RAD21: variants seen among roughly 807,000 people sequenced by gnomAD.
The protein encoded by RAD21 is RAD21 cohesin complex component.
Under a neutral mutation model 71.5 loss-of-function variants are expected in RAD21, and 18 were observed. The observed-to-expected ratio is 0.25, with a 90% CI of 0.17 to 0.37. The LOEUF (loss-of-function observed/expected upper bound fraction) is 0.37, where lower values mean the gene tolerates loss of function less well. RAD21 is among the 10% of genes least tolerant of loss of function. The pLI is 1.00. For synonymous variants in RAD21, 248 were observed against 254.0 expected (o/e 0.98, Z 0.22); for missense variants, 493 against 769.1 (o/e 0.64, Z 4.25).
chr8:116,852,486 A>T, intron 10 of RAD21, 63 bp downstream of exon 10: 1 of 1,459,618 alleles, frequency 6.9e-7, no homozygotes, highest in Admixed American at 2.1e-5. Context: ...GACAGTATAA[A>T]GGTAAATTTT....
chr8:116,874,134 G>A (rs1812912733), intron 1 of RAD21: 1 of 147,192 alleles, frequency 6.8e-6, no homozygotes, highest in African/African-American at 2.5e-5. Context: ...TTCGGCGGAA[G>A]GTTGCTGCTC....
At chr8:116,865,873 T>C (rs747384077) in intron 2 of RAD21, among the ~76,000 whole-genome samples, 1 of 152,144 alleles carries the variant, frequency 6.6e-6, no homozygotes, top group Non-Finnish European at 1.5e-5. Flanking sequence ...CACACACAGA[T>C]AATCTTCCCC....
chr8:116,865,646 G>C (rs1812674016), intron 2 of RAD21, among the ~76,000 whole-genome samples: 2 of 152,136 alleles, frequency 1.3e-5, no homozygotes, highest in South Asian at 4.1e-4. Flanking sequence ...TAAATGGCTA[G>C]TCTTTAAAAA....
chr8:116,847,560 T>G lies in RAD21; in HGVS notation c.1836A>C (p.Thr612=), dbSNP rs2130449843. Residue 612 remains threonine, a synonymous_variant, in exon 14 of 14, where the codon ACA becomes ACC. Transcript: ENST00000297338. ...VLKKQQAIEL[T]QEEPYSDIIA... ...TGATGTCACTGTACGGTTCTTCCTGTGTCAGCTCAATAGCTTGCTGCTTTT... is the reference window on the plus strand; with the variant it reads ...TGATGTCACTGTACGGTTCTTCCTGGGTCAGCTCAATAGCTTGCTGCTTTT... 1.2e-6 allele frequency: 2 copies of G among 1,614,134 alleles called. No homozygotes were observed. Among genetic ancestry groups the G allele is most frequent in the Non-Finnish European group, 1.7e-6 (2 of 1,179,982 alleles).
rs530012356 is a variant in RAD21, at chr8:116,846,181, C to T, written c.*1319G>A. Reference sequence around the variant, plus strand: ...CTGCAATAGCAATTTTATACAATTACCACTCTGAAGAAACTGAATCATTAA... The same window carrying T: ...CTGCAATAGCAATTTTATACAATTATCACTCTGAAGAAACTGAATCATTAA... On this transcript the variant is annotated 3_prime_UTR_variant, in exon 14 of 14. Coordinates refer to ENST00000297338, the MANE Select transcript of RAD21 (RefSeq NM_006265.3). 87 of 231,072 alleles carry T rather than the reference C, an allele frequency of 3.8e-4. No individual in the cohort carries two copies. The highest frequency in any genetic ancestry group is 1.7e-3 in the African/African-American group (79 of 45,332). 14.3% of individuals were successfully genotyped at this position (231,072 alleles called of 1,614,324 possible).
rs1353634381 is a variant in RAD21, at chr8:116,847,565, G to A, written c.1831C>T (p.Leu611=). The change falls in exon 14 of 14, where the codon CTG becomes TTG. Residue 611 remains leucine (L), a synonymous_variant. Transcript: ENST00000297338. Reference sequence around the variant, plus strand: ...TCACTGTACGGTTCTTCCTGTGTCAGCTCAATAGCTTGCTGCTTTTTAAGA... The same window carrying A: ...TCACTGTACGGTTCTTCCTGTGTCAACTCAATAGCTTGCTGCTTTTTAAGA... The part of the protein sequence containing the change: ...LVLKKQQAIE[L]TQEEPYSDII... 2.5e-6 allele frequency: 4 copies of A among 1,613,976 alleles called. No individual in the cohort carries two copies. In the African/African-American group the frequency reaches 4.0e-5, roughly 16 times the overall value.
intron 9 of RAD21, among the ~76,000 whole-genome samples, chr8:116,853,614 C>CTT (rs1812400431): frequency 6.6e-6 from 1 of 152,016 alleles, no homozygotes; most frequent in Non-Finnish European, 1.5e-5. Context: ...TATGATAGGG[C>CTT]TTACAATAAA....
At chr8:116,848,761 TAAAAA>T (rs56668650) in intron 13 of RAD21, 180 bp downstream of exon 13, 1 of 300,896 alleles carries the variant, frequency 3.3e-6, no homozygotes, top group Non-Finnish European at 6.2e-6. Flanking sequence ...TAAACTATAA[TAAAAA>T]AAAAAAAGAA....
In RAD21 at chr8:116,854,491, G is replaced by C. The variant is rs375637600; in HGVS notation, c.938-23C>G. ...TAACTGGAATGATAATAAAAAATAA[G>C]ATCATTTTCCTGAGAGGCCAGCATG... On this transcript the variant is annotated intron_variant, in intron 8 of 13. Transcript: ENST00000297338. The C allele has an allele frequency of 7.6e-6, 12 of 1,577,894 alleles. No individual in the cohort carries two copies. The South Asian group carries it at 1.0e-4, about 13-fold the overall frequency.
In RAD21 at chr8:116,856,671, A is replaced by G. The variant is rs781587372; in HGVS notation, c.789T>C (p.Asp263=). 3 of 1,595,726 alleles carry G rather than the reference A, an allele frequency of 1.9e-6. No individual in the cohort carries two copies. The highest frequency in any genetic ancestry group is 2.7e-5 in the African/African-American group (2 of 73,946). ...TTGATACATTATCATCCTCATCCAT[A>G]TCGTCATGTGCAGGCTGCTCTGGCA... is the stretch of plus-strand genomic sequence containing the variant. ...VMLPEQPAHD[D]MDEDDNVSMG... The change falls in exon 7 of 14, where the codon GAT becomes GAC. Residue 263 remains aspartate (D), a synonymous_variant. Transcript: ENST00000297338.
chr8:116,865,445 T>C (rs200644827), intron 2 of RAD21, among the ~76,000 whole-genome samples: 9 of 147,694 alleles, frequency 6.1e-5, no homozygotes, highest in African/African-American at 2.3e-4. Context: ...ATAAAAAAAA[T>C]TGAAAATACC....
intron 4 of RAD21, among the ~76,000 whole-genome samples, chr8:116,859,298 T>A (rs1323830304): frequency 6.6e-6 from 1 of 152,172 alleles, no homozygotes; most frequent in East Asian, 1.9e-4. Flanking sequence ...ACAAGCTTAC[T>A]TCATGCCTCT....
chr8:116,857,566 C>T (rs1812495871), intron 5 of RAD21, 93 bp from the exon 6 acceptor site: 1 of 1,029,218 alleles, frequency 9.7e-7, no homozygotes, highest in Non-Finnish European at 1.4e-6. Flanking sequence ...AATTATGTCA[C>T]ATTTGCTTAC....
chr8:116,863,422 G>A (rs1812629354), intron 2 of RAD21, among the ~76,000 whole-genome samples, 163 bp from the exon 3 acceptor site: 1 of 152,070 alleles, frequency 6.6e-6, no homozygotes, highest in Non-Finnish European at 1.5e-5. Context: ...CAGAGTGACT[G>A]GAAATTCACG....
rs986675101 is a variant in RAD21, at chr8:116,863,034, T to C, written c.274+96A>G. 37 of 1,420,310 alleles carry C rather than the reference T, an allele frequency of 2.6e-5. 1 individual carries two copies. Among genetic ancestry groups the C allele is most frequent in the South Asian group, 2.3e-4 (16 of 68,896 alleles). The allele number at this position is 1,420,310 out of a possible 1,614,324, so 88.0% of individuals were successfully genotyped here. On this transcript the variant is annotated intron_variant, in intron 3 of 13. Transcript: ENST00000297338. ...CGTATTTCAATTAAAACAAAGCATG[T>C]AGATTTAGAAAATGTGTTTAGCTAC...
chr8:116,848,845 A>G (rs780948698), intron 13 of RAD21, 101 bp downstream of exon 13: 2 of 785,902 alleles, frequency 2.5e-6, no homozygotes, highest in South Asian at 5.2e-5. Context: ...AGTTTGACAA[A>G]GGTATGCTTT....
intron 1 of RAD21, among the ~76,000 whole-genome samples, chr8:116,872,954 A>C (rs1812863818): frequency 6.6e-6 from 1 of 152,240 alleles, no homozygotes; most frequent in Non-Finnish European, 1.5e-5. Context: ...AACGGTGAAT[A>C]AGTTACTTCT....
At position 116,846,338 on chromosome 8, in the gene RAD21, A is replaced by G. The variant is rs1188225780; in HGVS notation, c.*1162T>C. ...TTTCAACACTTAAGCTAGAACTTTC[A>G]GTGTTAACTTTGCCCTAAAAAGTTA... is the stretch of plus-strand genomic sequence containing the variant. On this transcript the variant is annotated 3_prime_UTR_variant, in exon 14 of 14. Transcript: ENST00000297338. The G allele has an allele frequency of 2.2e-5, 5 of 227,162 alleles. No homozygotes were observed. Among genetic ancestry groups the G allele is most frequent in the African/African-American group, 9.2e-5 (4 of 43,522 alleles). 14.1% of individuals were successfully genotyped at this position (227,162 alleles called of 1,614,324 possible).
Position 116,848,952 on chromosome 8 carries a change from A to C in RAD21, c.1698T>G (p.Gly566=), listed in dbSNP as rs199866548. The change falls in exon 13 of 14, where the codon GGT becomes GGG. Residue 566 remains glycine, a synonymous_variant. Transcript: ENST00000297338. ...GAGACAACAGCGGCAATACCTGAAGACCATGAAGCATCTGCTGAGTCCTTT... is the reference window on the plus strand; with the variant it reads ...GAGACAACAGCGGCAATACCTGAAGCCCATGAAGCATCTGCTGAGTCCTTT... ...WNKRTQQMLH[G]LQRALAKTGA... The C allele has an allele frequency of 1.2e-6, 2 of 1,607,932 alleles. No homozygotes were observed. Among genetic ancestry groups the C allele is most frequent in the African/African-American group, 2.7e-5 (2 of 74,578 alleles).
Sources: gnomAD v4.1 joint callset for allele counts (sites outside exome capture counted in the v4.1 genomes callset) on GRCh38, gnomAD v4.1.1 for gene constraint, MANE v1.5 for transcripts, NCBI Gene and HGNC (gene_info 2026-07-23, HGNC 2026-07-21) for gene names.